ATR: variants seen among roughly 807,000 people sequenced by gnomAD.
ATR encodes the protein ATR checkpoint kinase.
In ATR, 142 loss-of-function variants were observed where a neutral mutation model predicts 305.3. That is an observed-to-expected ratio of 0.47 (90% CI 0.41 to 0.53). The LOEUF (loss-of-function observed/expected upper bound fraction) is 0.53. Among genes scored for constraint, ATR ranks in the 20% least tolerant of loss-of-function variants. ATR has a pLI of 0.00. For synonymous variants in ATR, 1,050 were observed against 1,068.1 expected (o/e 0.98, Z 0.33); for missense variants, 2,135 against 3,133.1 (o/e 0.68, Z 7.60).
At chr3:142,496,790 T>C (rs539642064) in intron 33 of ATR, among the ~76,000 whole-genome samples, 28 of 152,200 alleles carry the variant, frequency 1.8e-4, no homozygotes, top group African/African-American at 6.7e-4. Flanking sequence ...AAAAAACATA[T>C]CCCCCAGATA....
At chr3:142,527,347 G>A (rs1456523405) in intron 21 of ATR, among the ~76,000 whole-genome samples, 4 of 152,076 alleles carry the variant, frequency 2.6e-5, no homozygotes, top group Admixed American at 1.3e-4. Context: ...TGGGCCTGGT[G>A]CTTTCCTATG....
intron 39 of ATR, 82 bp downstream of exon 39, chr3:142,467,848 TTTAA>T: frequency 2.7e-6 from 4 of 1,486,404 alleles, no homozygotes; most frequent in East Asian, 2.4e-5. Context: ...AGAATTTTAA[TTTAA>T]TTAATCAAAT....
At chr3:142,510,915 T>C (rs2032517872) in intron 27 of ATR, among the ~76,000 whole-genome samples, 1 of 152,204 alleles carries the variant, frequency 6.6e-6, no homozygotes, top group South Asian at 2.1e-4. Context: ...TTGTCATTTT[T>C]AAATCAAGAT....
chr3:142,546,865 G>A (rs2034285286), intron 16 of ATR, among the ~76,000 whole-genome samples: 1 of 152,160 alleles, frequency 6.6e-6, no homozygotes, highest in South Asian at 2.1e-4. Flanking sequence ...ATGGAATAGT[G>A]AGAAAAGAGC....
At chr3:142,476,552 G>T (rs1332729447) in intron 36 of ATR, among the ~76,000 whole-genome samples, 2 of 152,010 alleles carry the variant, frequency 1.3e-5, no homozygotes, top group African/African-American at 4.8e-5. Flanking sequence ...TGTTCTTTTG[G>T]CTTAGGATTG....
In ATR at chr3:142,541,051, T is replaced by A. The variant is rs772797164; in HGVS notation, c.3451-17A>T. ...GTTCAAGGCCTATAGAGTTAAGTAG[T>A]GCTTCAGAGTAAAGCTTATAAACAT... On this transcript the variant is annotated splice_polypyrimidine_tract_variant and intron_variant, in intron 17 of 46. Transcript: ENST00000350721. 2 of 1,613,254 alleles carry A rather than the reference T, an allele frequency of 1.2e-6. No individual in the cohort carries two copies. The highest frequency in any genetic ancestry group is 1.7e-6 in the Non-Finnish European group (2 of 1,179,370).
At chr3:142,475,806 G>A (rs1300833600) in intron 36 of ATR, among the ~76,000 whole-genome samples, 3 of 152,146 alleles carry the variant, frequency 2.0e-5, no homozygotes, top group Non-Finnish European at 2.9e-5. Context: ...GGTGTGAGAT[G>A]GTATCTCATT....
Position 142,562,843 on chromosome 3 carries a change from C to T in ATR, c.559G>A (p.Gly187Arg). Residue 187 changes from glycine to arginine, a missense_variant, in exon 4 of 47, where the codon GGA becomes AGA. Gly to Arg is a moderately radical substitution (Grantham distance 125). This residue lies in a region of ATR where 744 missense variants were observed against 873.2 expected (regional missense o/e 0.85). Coordinates refer to ENST00000350721, the MANE Select transcript of ATR (RefSeq NM_001184.4). ...RFLSQLDEHM[G>R]YLQSAPLQLM... ...TGCAAAGGAGCTGATTGTAAATATC[C>T]CATGTGTTCATCTAATTGACTTAAA... The T allele has an allele frequency of 1.2e-6, 2 of 1,608,664 alleles. No individual in the cohort carries two copies. Among genetic ancestry groups the T allele is most frequent in the Non-Finnish European group, 1.7e-6 (2 of 1,178,240 alleles).
chr3:142,481,980 G>A (rs954484193), intron 36 of ATR, among the ~76,000 whole-genome samples: 1 of 151,732 alleles, frequency 6.6e-6, no homozygotes, highest in African/African-American at 2.4e-5. Flanking sequence ...GCACCACCAT[G>A]CCTGGATAAT....
chr3:142,479,563 G>A (rs1477337798), intron 36 of ATR, among the ~76,000 whole-genome samples: 1 of 152,124 alleles, frequency 6.6e-6, no homozygotes, highest in Non-Finnish European at 1.5e-5. Flanking sequence ...ACAATTATGT[G>A]TCTTGGAGTT....
chr3:142,516,279 C>T (rs2032856593), intron 24 of ATR, among the ~76,000 whole-genome samples: 1 of 152,146 alleles, frequency 6.6e-6, no homozygotes. Context: ...CACTCCATTG[C>T]CACACTGTCT....
intron 35 of ATR, among the ~76,000 whole-genome samples, chr3:142,492,090 GTAAGGT>G (rs949484007): frequency 1.3e-5 from 2 of 152,184 alleles, no homozygotes; most frequent in African/African-American, 4.8e-5. Context: ...CTGGCAGGCA[GTAAGGT>G]TACTTGAAGA....
rs1331632971 is a variant in ATR at position 142,561,428 on chromosome 3, A to C, written c.1171-7T>G. The C allele has an allele frequency of 6.2e-7, 1 of 1,609,166 alleles. No individual in the cohort carries two copies. Among genetic ancestry groups the C allele is most frequent in the African/African-American group, 1.3e-5 (1 of 74,826 alleles). Reference sequence around the variant, plus strand: ...AAAGTGGGCCCAACAAGTACTGAGAAAATAAAAAATAATTTCCAGAAATAT... The same window carrying C: ...AAAGTGGGCCCAACAAGTACTGAGACAATAAAAAATAATTTCCAGAAATAT... On this transcript the variant is annotated splice_polypyrimidine_tract_variant and splice_region_variant and intron_variant, in intron 4 of 46. Transcript: ENST00000350721.
chr3:142,553,993 A>G lies in ATR; in HGVS notation c.2364T>C (p.His788=), dbSNP rs2108466036. The G allele has an allele frequency of 6.2e-7, 1 of 1,608,846 alleles. No homozygotes were observed. The highest frequency in any genetic ancestry group is 8.5e-7 in the Non-Finnish European group (1 of 1,177,622). The change falls in exon 11 of 47, where the codon CAT becomes CAC. Residue 788 remains histidine, a synonymous_variant. Transcript: ENST00000350721. ...VKLAFIDNLH[H]LCKHLDFRED... is the part of the protein sequence containing the mutation. ...CTCTAAAATCAAGATGCTTACAAAG[A>G]TGATGTAGATTATCTATGAAAGCTG...
Position 142,507,918 on chromosome 3 carries a change from A to G in ATR, c.5031+13T>C, listed in dbSNP as rs2032340181. ...TAATTTTCATTATTAAATTCACTAT[A>G]TTAACTTCAGACCTGTAAAAATCCA... On this transcript the variant is annotated intron_variant, in intron 28 of 46. Transcript: ENST00000350721. 1 of 1,571,260 alleles carries G rather than the reference A, an allele frequency of 6.4e-7. No homozygotes were observed.
chr3:142,513,385 T>C, intron 26 of ATR, 116 bp downstream of exon 26: 1 of 1,204,028 alleles, frequency 8.3e-7, no homozygotes, highest in Non-Finnish European at 1.2e-6. Context: ...TAAATGAACA[T>C]ACATAGCCAT....
chr3:142,575,290 AC>A (rs796767869), intron 1 of ATR, among the ~76,000 whole-genome samples: 4 of 152,074 alleles, frequency 2.6e-5, no homozygotes, highest in African/African-American at 9.6e-5. Context: ...GTTGGAGACA[AC>A]CTGTGCAACA....
Position 142,559,345 on chromosome 3 carries a change from G to C in ATR, c.1638C>G (p.Ser546Arg), listed in dbSNP as rs2108479942. The C allele has an allele frequency of 6.2e-7, 1 of 1,613,814 alleles. No homozygotes were observed. Among genetic ancestry groups the C allele is most frequent in the South Asian group, 1.1e-5 (1 of 91,076 alleles). Reference sequence around the variant, plus strand: ...GAACAGATTCTAACAAACTTCTACAGCTCTTAAGCACTTTTGTGTAAAAAT... The same window carrying C: ...GAACAGATTCTAACAAACTTCTACACCTCTTAAGCACTTTTGTGTAAAAAT... Reference protein sequence around the residue: ...SLDFYTKVLKSCRSLLESVQK... With the variant: ...SLDFYTKVLKRCRSLLESVQK... Residue 546 changes from serine (S) to arginine (R), a missense_variant, in exon 7 of 47, where the codon AGC (serine) becomes AGG (arginine). Ser to Arg is a moderately radical substitution (Grantham distance 110). Transcript: ENST00000350721.
At chr3:142,489,452 C>G (rs1311546398) in intron 35 of ATR, among the ~76,000 whole-genome samples, 1 of 152,128 alleles carries the variant, frequency 6.6e-6, no homozygotes, top group Non-Finnish European at 1.5e-5. Context: ...TATGGGCGCC[C>G]ACCCTTGCCG....
Sources: gnomAD v4.1 joint callset for allele counts (sites outside exome capture counted in the v4.1 genomes callset) on GRCh38, gnomAD v4.1.1 for gene constraint, gnomAD v4.1.1 regional missense constraint, MANE v1.5 for transcripts, NCBI Gene and HGNC (gene_info 2026-07-23, HGNC 2026-07-21) for gene names.